KIN: variants seen among roughly 807,000 people sequenced by gnomAD.
KIN encodes the protein Kin17 DNA and RNA binding protein.
KIN carries 47 observed loss-of-function variants against 63.0 expected under a neutral mutation model. The observed-to-expected ratio is 0.75, with a 90% CI of 0.59 to 0.95. KIN has a LOEUF of 0.95. KIN is among the 40% of genes least tolerant of loss of function. The pLI, the probability that KIN is intolerant of heterozygous loss-of-function variation, is 0.00. For missense variants in KIN, 408 were observed against 460.9 expected (o/e 0.89, Z 1.05); for synonymous variants, 160 against 157.7 (o/e 1.01, Z -0.11).
chr10:7,772,365 G>A (rs902287166), intron 7 of KIN, among the ~76,000 whole-genome samples: 3 of 152,190 alleles, frequency 2.0e-5, no homozygotes, highest in African/African-American at 7.2e-5. Flanking sequence ...AATGAAAATG[G>A]AAAGTAAGGT....
At chr10:7,775,183 G>A (rs558296077) in intron 6 of KIN, among the ~76,000 whole-genome samples, 50 of 152,248 alleles carry the variant, frequency 3.3e-4, no homozygotes, top group African/African-American at 1.2e-3. Context: ...AGGTCTCCAC[G>A]CCTCTTGCCT....
chr10:7,783,753 T>C lies in KIN; in HGVS notation c.115-578A>G, dbSNP rs140458753. The stretch of plus-strand genomic sequence containing the variant: ...ATATTTGACCCTCATTCTTCACTAG[T>C]AATAGAAACAAAAAATGTGCCTTTC... On this transcript the variant is annotated intron_variant, in intron 1 of 12. Coordinates refer to ENST00000379562, the MANE Select transcript of KIN (RefSeq NM_012311.4). 1.5e-4 allele frequency among the ~76,000 whole-genome samples: 23 copies of C among 152,280 alleles called. No homozygotes were observed. The East Asian group carries it at 4.0e-3, about 27-fold the overall frequency.
intron 10 of KIN, among the ~76,000 whole-genome samples, chr10:7,763,518 C>T (rs2026612): frequency 0.33 from 50,877 of 152,036 alleles, 9,497 homozygotes; most frequent in Non-Finnish European, 0.42. Flanking sequence ...AGTAAGAAAA[C>T]AGATCAACGC....
At chr10:7,775,697 G>C in intron 6 of KIN, 54 bp downstream of exon 6, 2 of 929,320 alleles carry the variant, frequency 2.2e-6, no homozygotes, top group Non-Finnish European at 1.6e-6. Context: ...TTTTAACAAA[G>C]CCAATATAAA....
chr10:7,784,151 T>G (rs936552433), intron 1 of KIN, among the ~76,000 whole-genome samples: 1 of 152,224 alleles, frequency 6.6e-6, no homozygotes, highest in African/African-American at 2.4e-5. Context: ...ATACAGTTAC[T>G]AAATCCTAGA....
intron 8 of KIN, among the ~76,000 whole-genome samples, chr10:7,767,478 C>G (rs1045955791): frequency 2.0e-5 from 3 of 152,170 alleles, no homozygotes; most frequent in African/African-American, 7.2e-5. Flanking sequence ...GTAACAGTGA[C>G]TCAGTTTCAT....
rs1454440690 is a variant in KIN at position 7,763,753 on chromosome 10, C to A, written c.888G>T (p.Glu296Asp). Residue 296 changes from glutamate (E) to aspartate (D), a missense_variant, in exon 10 of 13, where the codon GAG becomes GAT. Physicochemically the swap from Glu to Asp is conservative, Grantham distance 45. Transcript: ENST00000379562. ...IVKIITKKLG[E>D]KYHKKKAIVK... ...CAATAGCCTTTTTCTTATGATATTT[C>A]TCTCCCAGTTTCTTGGTTATAATTT... The A allele has an allele frequency of 6.8e-7, 1 of 1,470,426 alleles. No individual in the cohort carries two copies. Among genetic ancestry groups the A allele is most frequent in the Non-Finnish European group, 9.4e-7 (1 of 1,064,340 alleles). 91.1% of individuals were successfully genotyped at this position (1,470,426 alleles called of 1,614,324 possible).
At chr10:7,778,112 G>A (rs567218826) in intron 5 of KIN, among the ~76,000 whole-genome samples, 55 of 152,150 alleles carry the variant, frequency 3.6e-4, no homozygotes, top group African/African-American at 1.2e-3. Flanking sequence ...AGACTCCTGG[G>A]CACTGGGGTT....
At chr10:7,766,702 C>A (rs1835550572) in intron 8 of KIN, among the ~76,000 whole-genome samples, 2 of 152,058 alleles carry the variant, frequency 1.3e-5, no homozygotes, top group African/African-American at 4.8e-5. Flanking sequence ...TGGGATCAAA[C>A]AATGTAATAA....
Position 7,753,557 on chromosome 10 carries a change from G to A in KIN, c.*2523C>T, listed in dbSNP as rs1339774368. On this transcript the variant is annotated 3_prime_UTR_variant, in exon 13 of 13. Transcript: ENST00000379562. ...ATACCTACTATGTGCTGGACTTCAT[G>A]TCTGATGATTTATATGTATTTTCTG... 6.5e-6 allele frequency: 1 copy of A among 153,182 alleles called. No individual in the cohort carries two copies. The highest frequency in any genetic ancestry group is 6.5e-5 in the Admixed American group (1 of 15,356). 9.5% of individuals were successfully genotyped at this position (153,182 alleles called of 1,614,324 possible). A position where few individuals can be genotyped will look rare whatever the true frequency, so the allele number is the denominator to read the frequency against.
rs1835288612 is a variant in KIN at position 7,754,279 on chromosome 10, G to A, written c.*1801C>T. 1 of 344,798 alleles carries A rather than the reference G, an allele frequency of 2.9e-6. No homozygotes were observed. Among genetic ancestry groups the A allele is most frequent in the Admixed American group, 3.8e-5 (1 of 26,326 alleles). The allele number at this position is 344,798 out of a possible 1,614,324, so 21.4% of individuals were successfully genotyped here. On this transcript the variant is annotated 3_prime_UTR_variant, in exon 13 of 13. Transcript: ENST00000379562. ...AAGCCCAGGAGGACGAGGCTGCAGT[G>A]AGCCATGATTGTGCCACTGCACTCC...
At chr10:7,782,493 G>A (rs761121263) in intron 2 of KIN, among the ~76,000 whole-genome samples, 1 of 151,246 alleles carries the variant, frequency 6.6e-6, no homozygotes, top group Non-Finnish European at 1.5e-5. Flanking sequence ...CTGCCTCCCC[G>A]GTTCAAGCAA....
chr10:7,757,933 C>T (rs1588468964), intron 12 of KIN, among the ~76,000 whole-genome samples: 1 of 149,834 alleles, frequency 6.7e-6, no homozygotes, highest in East Asian at 2.0e-4. Flanking sequence ...TTATCAACGA[C>T]ATGAAAACTT....
rs781201592 is a variant in KIN, at chr10:7,783,183, A to T, written c.115-8T>A. 1 of 1,538,682 alleles carries T rather than the reference A, an allele frequency of 6.5e-7. No individual in the cohort carries two copies. Among genetic ancestry groups the T allele is most frequent in the Non-Finnish European group, 8.8e-7 (1 of 1,132,238 alleles). ...ATGACACTTAAAGCCATTCTACAAA[A>T]AATGTAAAAGCAATAAATTCTGATT... On this transcript the variant is annotated splice_polypyrimidine_tract_variant and splice_region_variant and intron_variant, in intron 1 of 12. Coordinates refer to ENST00000379562, the MANE Select transcript of KIN (RefSeq NM_012311.4).
chr10:7,756,196 A>C (rs1835330056), intron 12 of KIN, 54 bp from the exon 13 acceptor site: 2 of 1,073,078 alleles, frequency 1.9e-6, no homozygotes, highest in Admixed American at 2.6e-5. Context: ...CCTAAAAGAC[A>C]AAAAAATGAC....
Position 7,755,886 on chromosome 10 carries a change from CAT to C in KIN, c.*192_*193del. 2.5e-6 allele frequency: 1 copy of C among 396,954 alleles called. No individual in the cohort carries two copies. The highest frequency in any genetic ancestry group is 4.5e-6 in the Non-Finnish European group (1 of 222,320). 24.6% of individuals were successfully genotyped at this position (396,954 alleles called of 1,614,324 possible). ...AACAAAAATAACAAGGACAAAATTA[CAT>C]AGTTTGATACCTCATGAGACATAAT... On this transcript the variant is annotated 3_prime_UTR_variant, in exon 13 of 13. Transcript: ENST00000379562.
At chr10:7,779,225 T>A (rs12354490) in intron 4 of KIN, among the ~76,000 whole-genome samples, 51,768 of 151,890 alleles carry the variant, frequency 0.34, 9,153 homozygotes, top group East Asian at 0.47. Context: ...CTGGCCAACA[T>A]GGTGAATCCC....
chr10:7,772,055 G>C (rs1020669495), intron 7 of KIN, among the ~76,000 whole-genome samples: 11 of 152,082 alleles, frequency 7.2e-5, no homozygotes, highest in Admixed American at 3.3e-4. Flanking sequence ...AGATGTAAAG[G>C]CAAGAAAGGG....
At chr10:7,785,136 C>A (rs1235423002) in intron 1 of KIN, among the ~76,000 whole-genome samples, 1 of 151,572 alleles carries the variant, frequency 6.6e-6, no homozygotes, top group Non-Finnish European at 1.5e-5. Flanking sequence ...GTGGTCCCAG[C>A]TACTTGGGAG....
Sources: allele counts gnomAD v4.1 joint callset (sites outside exome capture counted in the v4.1 genomes callset), GRCh38; gene constraint gnomAD v4.1.1; transcripts MANE v1.5; gene names NCBI Gene and HGNC (gene_info 2026-07-23, HGNC 2026-07-21).